The following NRXN1 variants were observed in gnomAD, a reference collection of about 807,000 sequenced individuals.
The protein encoded by NRXN1 is neurexin-1.
A neutral mutation model predicts 150.9 loss-of-function variants in NRXN1; 39 were observed. The observed-to-expected ratio is 0.26, with a 90% CI of 0.20 to 0.34. NRXN1 has a LOEUF of 0.34. Among genes scored for constraint, NRXN1 ranks in the 10% least tolerant of loss-of-function variants. The pLI is 1.00. For synonymous variants in NRXN1, 924 were observed against 757.0 expected, an observed-to-expected ratio of 1.22 and a Z score of -3.62; for missense variants, 1,815 against 1,949.9, an observed-to-expected ratio of 0.93 and a Z score of 1.30.
chr2:50,288,066 C>T (rs1383000713), intron 17 of NRXN1, among the ~76,000 whole-genome samples: 1 of 152,034 alleles, frequency 6.6e-6, no homozygotes, highest in Admixed American at 6.6e-5. Context: ...GAGGCTTTAT[C>T]CAGTGGAAAA....
intron 5 of NRXN1, among the ~76,000 whole-genome samples, chr2:50,916,185 T>G (rs1685190612): frequency 6.6e-6 from 1 of 150,812 alleles, no homozygotes; most frequent in Non-Finnish European, 1.5e-5. Flanking sequence ...AGGTTGGCTA[T>G]TCTATATTAT....
rs181237709 is a variant in NRXN1, at chr2:50,566,119, C to T, written c.1321-13094G>A. ...ACACGTTCCTCACTTCAGGCCTAGCCAACTTGGCTGTCTTCTATTTCGGTT... is the reference window on the plus strand; with the variant it reads ...ACACGTTCCTCACTTCAGGCCTAGCTAACTTGGCTGTCTTCTATTTCGGTT... On this transcript the variant is annotated intron_variant, in intron 8 of 22. Coordinates refer to ENST00000401669, the MANE Select transcript of NRXN1 (RefSeq NM_001330078.2). 2.0e-5 allele frequency among the ~76,000 whole-genome samples: 3 copies of T among 152,342 alleles called. No individual in the cohort carries two copies. The East Asian group carries it at 5.8e-4, about 29-fold the overall frequency.
chr2:50,701,164 A>G (rs1693689596), intron 5 of NRXN1, among the ~76,000 whole-genome samples: 1 of 152,098 alleles, frequency 6.6e-6, no homozygotes, highest in African/African-American at 2.4e-5. Flanking sequence ...ACATTTTTGA[A>G]CAGATAATAT....
At chr2:50,829,703 C>T in intron 5 of NRXN1, 18 of 1,602,892 alleles carry the variant, frequency 1.1e-5, no homozygotes, top group Non-Finnish European at 1.5e-5. Context: ...AGGCCGCCCG[C>T]ACACCCAGAG....
rs114393354 is a variant in NRXN1, at chr2:50,473,754, G to A, written c.3071-1283C>T. 9.3e-3 allele frequency among the ~76,000 whole-genome samples: 1,416 copies of A among 152,056 alleles called. 21 individuals carry two copies. The highest frequency in any genetic ancestry group is 0.032 in the African/African-American group (1,346 of 41,502). On this transcript the variant is annotated intron_variant, in intron 15 of 22. Coordinates refer to ENST00000401669, the MANE Select transcript of NRXN1 (RefSeq NM_001330078.2). ...AAGGAGAACTGATACACAGACTGTT[G>A]AGCTGTGAGTAACAAATTCCTTGGT...
intron 17 of NRXN1, among the ~76,000 whole-genome samples, chr2:50,416,333 A>C (rs1013944798): frequency 6.6e-6 from 1 of 151,992 alleles, no homozygotes; most frequent in African/African-American, 2.4e-5. Context: ...GGGAGAACAA[A>C]ATGCGCAAAG....
At chr2:50,386,769 A>G (rs186590970) in intron 17 of NRXN1, among the ~76,000 whole-genome samples, 1 of 152,278 alleles carries the variant, frequency 6.6e-6, no homozygotes, top group East Asian at 1.9e-4. Context: ...TAGTGAGAAT[A>G]CTGGGCTACG....
intron 19 of NRXN1, among the ~76,000 whole-genome samples, chr2:50,085,177 C>G (rs774183707): frequency 1.3e-5 from 2 of 152,084 alleles, no homozygotes; most frequent in African/African-American, 2.4e-5. Flanking sequence ...AAATATTCAT[C>G]TATGCATGTA....
intron 15 of NRXN1, among the ~76,000 whole-genome samples, chr2:50,482,289 AGTAACAGTGTGGCAGAT>A (rs879273572): frequency 6.6e-6 from 1 of 152,194 alleles, no homozygotes; most frequent in Non-Finnish European, 1.5e-5. Context: ...ACTCTATGCC[AGTAACAGTGTGGCAGAT>A]GGGGTGCGAG....
intron 21 of NRXN1, among the ~76,000 whole-genome samples, chr2:50,046,977 G>A (rs1173714070): frequency 2.6e-5 from 4 of 152,130 alleles, no homozygotes; most frequent in Non-Finnish European, 4.4e-5. Context: ...TCGACAAATG[G>A]TTCCCATTTC....
chr2:50,619,112 T>G lies in NRXN1; in HGVS notation c.1320+910A>C, dbSNP rs1284881894. 3 of 152,144 alleles carry G rather than the reference T, an allele frequency of 2.0e-5. No homozygotes were observed. The East Asian group carries it at 5.8e-4, about 29-fold the overall frequency. 9.4% of individuals were successfully genotyped at this position (152,144 alleles called of 1,614,324 possible). A position where few individuals can be genotyped will look rare whatever the true frequency, so the allele number is the denominator to read the frequency against. Reference sequence around the variant, plus strand: ...CTTAACTGAATCAAGTTTATATGATTAAATTATTTACTTCAGAATAAACCA... The same window carrying G: ...CTTAACTGAATCAAGTTTATATGATGAAATTATTTACTTCAGAATAAACCA... On this transcript the variant is annotated intron_variant, in intron 8 of 22. Transcript: ENST00000401669.
intron 5 of NRXN1, chr2:50,916,999 T>C (rs1000239413): frequency 4.0e-5 from 6 of 151,728 alleles, no homozygotes; most frequent in Non-Finnish European, 7.4e-5. Context: ...AATAGTCACA[T>C]AGCCTTCTAT....
chr2:50,093,433 A>G (rs1158087764), intron 18 of NRXN1, among the ~76,000 whole-genome samples: 1 of 150,912 alleles, frequency 6.6e-6, no homozygotes, highest in Non-Finnish European at 1.5e-5. Context: ...CCTGGGAAAC[A>G]TAGCAAGATC....
intron 5 of NRXN1, among the ~76,000 whole-genome samples, chr2:50,800,770 G>T (rs1000825304): frequency 1.3e-5 from 2 of 152,016 alleles, no homozygotes; most frequent in Admixed American, 6.6e-5. Flanking sequence ...GCCTGTTCTC[G>T]AACTCCTGAC....
At chr2:50,564,611 G>A (rs1247464545) in intron 8 of NRXN1, among the ~76,000 whole-genome samples, 1 of 152,128 alleles carries the variant, frequency 6.6e-6, no homozygotes, top group East Asian at 1.9e-4. Flanking sequence ...ATAGCTGGAT[G>A]CAAATACTTG....
chr2:50,966,658 A>C (rs913441234), intron 2 of NRXN1, among the ~76,000 whole-genome samples: 11 of 151,950 alleles, frequency 7.2e-5, no homozygotes, highest in African/African-American at 2.6e-4. Context: ...ATTTGATAAA[A>C]TTGAGAGTGG....
intron 17 of NRXN1, among the ~76,000 whole-genome samples, chr2:50,274,165 G>A (rs554330823): frequency 3.9e-5 from 6 of 152,214 alleles, no homozygotes; most frequent in Non-Finnish European, 8.8e-5. Context: ...AGAAGATGTG[G>A]CACATATACA....
chr2:50,410,054 C>CT (rs928981245), intron 17 of NRXN1, among the ~76,000 whole-genome samples: 1 of 152,072 alleles, frequency 6.6e-6, no homozygotes, highest in African/African-American at 2.4e-5. Flanking sequence ...GTCCTGTGTC[C>CT]TTCCCATCAG....
chr2:50,082,217 C>T (rs557749282), intron 19 of NRXN1, among the ~76,000 whole-genome samples: 3 of 152,244 alleles, frequency 2.0e-5, no homozygotes, highest in Admixed American at 1.3e-4. Flanking sequence ...AACCTGATTA[C>T]CCGTATCTTT....
Sources: gnomAD v4.1 joint callset for allele counts (sites outside exome capture counted in the v4.1 genomes callset) on GRCh38, gnomAD v4.1.1 for gene constraint, MANE v1.5 for transcripts, NCBI Gene and HGNC (gene_info 2026-07-23, HGNC 2026-07-21) for gene names.